The following SNX1 variants were observed in gnomAD, a reference collection of about 807,000 sequenced individuals.
SNX1 encodes sorting nexin 1.
A neutral mutation model predicts 71.8 loss-of-function variants in SNX1; 36 were observed. The ratio of observed to expected loss-of-function variants is 0.50; its 90% CI spans 0.38 to 0.66. SNX1 has a LOEUF of 0.66. SNX1 is among the 30% of genes least tolerant of loss of function. The pLI is 0.00. For synonymous variants in SNX1, 254 were observed against 240.7 expected (o/e 1.06, Z -0.51); for missense variants, 612 against 646.7 (o/e 0.95, Z 0.58).
chr15:64,111,425 CT>C (rs2081076747), intron 1 of SNX1: 2 of 152,084 alleles, frequency 1.3e-5, no homozygotes, highest in South Asian at 4.1e-4. Context: ...TGGTATGTTT[CT>C]TTTCTTGTTC....
rs142407020 is a variant in SNX1 at position 64,112,361 on chromosome 15, G to A, written c.160-212G>A. Among the ~76,000 whole-genome samples the A allele has an allele frequency of 4.8e-3, 724 of 152,332 alleles. 5 individuals are homozygous for A. The highest frequency in any genetic ancestry group is 0.016 in the African/African-American group (675 of 41,570). The stretch of plus-strand genomic sequence containing the variant: ...GTGCTTTGGGGTAGGGCATTTGAGC[G>A]AGGTTATGCTGTTAGAAATTAACCC... On this transcript the variant is annotated intron_variant, in intron 1 of 14. Transcript: ENST00000559844.
chr15:64,096,685 T>C (rs1158054865), intron 1 of SNX1, among the ~76,000 whole-genome samples: 16 of 152,192 alleles, frequency 1.1e-4, no homozygotes. Context: ...ACAAAAGTTA[T>C]GTTGATTCTT....
intron 1 of SNX1, among the ~76,000 whole-genome samples, chr15:64,102,749 A>G (rs953993059): frequency 7.1e-6 from 1 of 140,806 alleles, no homozygotes; most frequent in African/African-American, 2.6e-5. Context: ...TTTTGTATAT[A>G]TACCACGCCT....
Position 64,137,647 on chromosome 15 carries a change from G to A in SNX1, c.*29G>A. 6.2e-7 allele frequency: 1 copy of A among 1,614,102 alleles called. No individual in the cohort carries two copies. The highest frequency in any genetic ancestry group is 8.5e-7 in the Non-Finnish European group (1 of 1,179,984). On this transcript the variant is annotated 3_prime_UTR_variant, in exon 15 of 15. Transcript: ENST00000559844. ...ACCAAGGACCCCAGAGCCCACCTGT[G>A]TGACGCTGCCTTTTTATACACTGTC...
intron 14 of SNX1, 47 bp downstream of exon 14, chr15:64,136,979 G>C: frequency 1.3e-6 from 2 of 1,521,192 alleles, no homozygotes; most frequent in Non-Finnish European, 1.8e-6. Context: ...CTGCTCCAAA[G>C]GCCAGCTGCC....
chr15:64,138,341 T>G lies in SNX1; in HGVS notation c.*723T>G. On this transcript the variant is annotated 3_prime_UTR_variant, in exon 15 of 15. Transcript: ENST00000559844. ...TCTCTCTCTCTTTTTTTTTTTTTTT[T>G]GGTGTCCCTATCATTAAGCAAGAGC... The G allele has an allele frequency of 5.8e-6, 4 of 687,588 alleles. No homozygotes were observed. The highest frequency in any genetic ancestry group is 9.0e-6 in the Non-Finnish European group (4 of 442,244). 42.6% of individuals were successfully genotyped at this position (687,588 alleles called of 1,614,324 possible). A position where few individuals can be genotyped will look rare whatever the true frequency, so the allele number is the denominator to read the frequency against.
chr15:64,123,617 A>C, intron 5 of SNX1, 71 bp downstream of exon 5: 1 of 1,258,866 alleles, frequency 7.9e-7, no homozygotes, highest in Non-Finnish European at 1.2e-6. Context: ...CATCATTCAG[A>C]TTATTTCTGG....
chr15:64,132,122 A>G (rs536858587), intron 11 of SNX1, among the ~76,000 whole-genome samples: 102 of 152,326 alleles, frequency 6.7e-4, no homozygotes, highest in African/African-American at 2.4e-3. Flanking sequence ...GCATTTGGAG[A>G]AAAGACCACT....
At chr15:64,118,712 A>T in intron 3 of SNX1, 76 bp from the exon 4 acceptor site, 1 of 1,066,588 alleles carries the variant, frequency 9.4e-7, no homozygotes, top group South Asian at 1.3e-5. Flanking sequence ...TTAGATTGGT[A>T]TAAGGTTATT....
intron 2 of SNX1, among the ~76,000 whole-genome samples, chr15:64,115,938 G>C (rs1485089718): frequency 6.6e-6 from 1 of 152,156 alleles, no homozygotes; most frequent in Non-Finnish European, 1.5e-5. Context: ...TCAACTGGTT[G>C]CTTGTTTCAG....
Position 64,134,814 on chromosome 15 carries a change from C to G in SNX1, c.1365+7C>G, listed in dbSNP as rs1460353552. ...CAAGGACGAGATCCTCGAGGTGAGT[C>G]CACTGAGGCAGCCCAGCCAGGGGTG... On this transcript the variant is annotated splice_region_variant and intron_variant, in intron 12 of 14. Coordinates refer to ENST00000559844, the MANE Select transcript of SNX1 (RefSeq NM_003099.5). The surrounding 1 kb of genome is among the most constrained non-coding windows in gnomAD (Gnocchi z 4.1). 2.5e-6 allele frequency: 4 copies of G among 1,613,732 alleles called. No homozygotes were observed. The highest frequency in any genetic ancestry group is 1.3e-5 in the African/African-American group (1 of 75,062).
At chr15:64,113,984 C>T (rs2081104395) in intron 2 of SNX1, among the ~76,000 whole-genome samples, 1 of 152,148 alleles carries the variant, frequency 6.6e-6, no homozygotes, top group African/African-American at 2.4e-5. Context: ...CACAGCAGGA[C>T]ATTCTTGGAG....
chr15:64,097,197 G>A (rs1002721851), intron 1 of SNX1, among the ~76,000 whole-genome samples: 4 of 152,234 alleles, frequency 2.6e-5, no homozygotes, highest in Non-Finnish European at 5.9e-5. Context: ...CTTGGCCTGC[G>A]GCCAGTCTAA....
At chr15:64,122,984 C>A (rs2081210960) in intron 4 of SNX1, among the ~76,000 whole-genome samples, 1 of 152,142 alleles carries the variant, frequency 6.6e-6, no homozygotes, top group Non-Finnish European at 1.5e-5. Context: ...TCAGAGAGGT[C>A]AGTGTCCCCC....
chr15:64,119,340 T>C (rs2081167135), intron 4 of SNX1, among the ~76,000 whole-genome samples: 3 of 152,064 alleles, frequency 2.0e-5, no homozygotes, highest in African/African-American at 7.2e-5. Flanking sequence ...CAGGCTGGTC[T>C]CAAACTCCTG....
In SNX1 at chr15:64,138,408, T is replaced by C. The variant is rs749504; in HGVS notation, c.*790T>C. On this transcript the variant is annotated 3_prime_UTR_variant, in exon 15 of 15. Coordinates refer to ENST00000559844, the MANE Select transcript of SNX1 (RefSeq NM_003099.5). ...TCCTGCTTCCCTAAGCTGCTCAGGGTTCTCTGAGTCTTGCCCTCTGATGGC... is the reference window on the plus strand; with the variant it reads ...TCCTGCTTCCCTAAGCTGCTCAGGGCTCTCTGAGTCTTGCCCTCTGATGGC... The C allele has an allele frequency of 0.63, 316,852 of 503,250 alleles. 110,108 individuals carry two copies. The highest frequency in any genetic ancestry group is 0.8 in the East Asian group (24,303 of 30,270). 31.2% of individuals were successfully genotyped at this position (503,250 alleles called of 1,614,324 possible). A position where few individuals can be genotyped will look rare whatever the true frequency, so the allele number is the denominator to read the frequency against.
At chr15:64,130,055 CCACCTA>C in intron 9 of SNX1, 26 bp downstream of exon 9, 1 of 1,551,868 alleles carries the variant, frequency 6.4e-7, no homozygotes, top group Non-Finnish European at 8.9e-7. Flanking sequence ...CCTCTTACCT[CCACCTA>C]CACCTCAGGC....
chr15:64,107,693 A>G (rs2081036305), intron 1 of SNX1, among the ~76,000 whole-genome samples: 2 of 152,134 alleles, frequency 1.3e-5, no homozygotes, highest in South Asian at 4.1e-4. Flanking sequence ...TTAACAGCCA[A>G]AGGGAGTAAG....
chr15:64,118,285 G>T (rs2290117), intron 3 of SNX1, 41 bp downstream of exon 3: 1,197,096 of 1,588,206 alleles, frequency 0.75, 459,915 homozygotes, highest in East Asian at 0.8. Context: ...TTTAGATATT[G>T]AGGACTGTGT....
Sources: gnomAD v4.1 joint callset for allele counts (sites outside exome capture counted in the v4.1 genomes callset) on GRCh38, gnomAD v4.1.1 for gene constraint, Gnocchi (gnomAD v3.1) non-coding constraint, MANE v1.5 for transcripts, NCBI Gene and HGNC (gene_info 2026-07-23, HGNC 2026-07-21) for gene names.